Variants in SPNS3 observed in about 807,000 individuals in gnomAD.
SPNS3 encodes the protein SPNS lysolipid transporter 3, sphingosine-1-phosphate (putative).
SPNS3 carries 51 observed loss-of-function variants against 54.4 expected under a neutral mutation model. The ratio of observed to expected loss-of-function variants is 0.94; its 90% CI spans 0.75 to 1.18. The LOEUF is 1.18. Ranked by LOEUF, SPNS3 falls within the 50% of genes most tolerant of loss-of-function variation. The pLI, the probability that SPNS3 is intolerant of heterozygous loss-of-function variation, is 0.00. For missense variants in SPNS3, 669 were observed against 677.4 expected (o/e 0.99, Z 0.14); for synonymous variants, 309 against 294.7 (o/e 1.05, Z -0.50).
At chr17:4,434,254 A>ACCCATCTTTCTGCTCCTGGGC (rs1970658773) in intron 1 of SPNS3, 88 bp downstream of exon 1, 16 of 1,317,098 alleles carry the variant, frequency 1.2e-5, no homozygotes, top group Non-Finnish European at 1.7e-5. Context: ...TCCAGCCATC[A>ACCCATCTTTCTGCTCCTGGGC]CCCATCTTTC....
At chr17:4,468,556 C>G (rs1971747209) in intron 8 of SPNS3, among the ~76,000 whole-genome samples, 1 of 149,914 alleles carries the variant, frequency 6.7e-6, no homozygotes, top group South Asian at 2.1e-4. Context: ...GGAGTTGCCA[C>G]TTACTGTGGG....
Position 4,446,909 on chromosome 17 carries a change from G to T in SPNS3, c.568G>T (p.Val190Leu). ...FIPVGSGLGY[V>L]LGSAVTMLTG... is the part of the protein sequence containing the mutation. ...CCTTTGTTGCAGTGGTCTGGGCTAC[G>T]TGCTGGGGTCGGCTGTGACGATGCT... The change falls in exon 5 of 12, where the codon GTG becomes TTG. Residue 190 changes from valine to leucine, a missense_variant. Coordinates refer to ENST00000355530, the MANE Select transcript of SPNS3 (RefSeq NM_182538.5). 2 of 1,614,112 alleles carry T rather than the reference G, an allele frequency of 1.2e-6. No individual in the cohort carries two copies. The highest frequency in any genetic ancestry group is 1.7e-6 in the Non-Finnish European group (2 of 1,180,022).
intron 7 of SPNS3, among the ~76,000 whole-genome samples, chr17:4,449,618 A>AC (rs918608844): frequency 2.0e-5 from 3 of 148,628 alleles, no homozygotes; most frequent in African/African-American, 7.3e-5. Flanking sequence ...TCTGGGCTGA[A>AC]TTCCCCATAT....
Position 4,454,419 on chromosome 17 carries a change from A to C in SPNS3, c.1113+1214A>C, listed in dbSNP as rs549013941. ...GCTGCAGACACAGATGCGCTTGCACATGTTAACCAGGTTTACTGAGCAGAC... is the reference window on the plus strand; with the variant it reads ...GCTGCAGACACAGATGCGCTTGCACCTGTTAACCAGGTTTACTGAGCAGAC... On this transcript the variant is annotated intron_variant, in intron 8 of 11. Coordinates refer to ENST00000355530, the MANE Select transcript of SPNS3 (RefSeq NM_182538.5). Among the ~76,000 whole-genome samples, 211 of 152,368 alleles carry C rather than the reference A, an allele frequency of 1.4e-3. 2 individuals carry two copies. Among genetic ancestry groups the C allele is most frequent in the African/African-American group, 4.9e-3 (205 of 41,588 alleles).
At chr17:4,459,033 C>T (rs1158517907) in intron 8 of SPNS3, among the ~76,000 whole-genome samples, 1 of 152,156 alleles carries the variant, frequency 6.6e-6, no homozygotes, top group Admixed American at 6.6e-5. Flanking sequence ...CCCTCTCTTT[C>T]CCCATCCTCA....
At chr17:4,437,465 G>A (rs1158822412) in intron 1 of SPNS3, among the ~76,000 whole-genome samples, 11 of 152,026 alleles carry the variant, frequency 7.2e-5, no homozygotes, top group Admixed American at 6.6e-4. Flanking sequence ...TCAGGAGTTC[G>A]AGACCAGACT....
intron 2 of SPNS3, among the ~76,000 whole-genome samples, chr17:4,444,469 C>T (rs1461566450): frequency 2.6e-5 from 4 of 151,872 alleles, no homozygotes; most frequent in East Asian, 1.9e-4. Flanking sequence ...GCAATCTGCC[C>T]GCCTCAGCCT....
chr17:4,486,700 T>C lies in SPNS3; in HGVS notation c.1450+117T>C, dbSNP rs1972328121. The C allele has an allele frequency of 9.1e-7, 1 of 1,099,844 alleles. No individual in the cohort carries two copies. The highest frequency in any genetic ancestry group is 1.3e-6 in the Non-Finnish European group (1 of 785,086). The allele number at this position is 1,099,844 out of a possible 1,614,324, so 68.1% of individuals were successfully genotyped here. On this transcript the variant is annotated intron_variant, in intron 11 of 11. Transcript: ENST00000355530. The surrounding 1 kb of genome is among the most constrained non-coding windows in gnomAD (Gnocchi z 5.5). Reference sequence around the variant, plus strand: ...TGTTCATTCATCCAGAAATGCTTAGTACACCCCTGCTATGTACCAGGGAAG... The same window carrying C: ...TGTTCATTCATCCAGAAATGCTTAGCACACCCCTGCTATGTACCAGGGAAG...
rs1459645756 is a variant in SPNS3, at chr17:4,453,052, C to G, written c.960C>G (p.Val320=). The G allele has an allele frequency of 4.3e-6, 7 of 1,613,894 alleles. No individual in the cohort carries two copies. In the Admixed American group the frequency reaches 1.2e-4, roughly 27 times the overall value. ...IFGALTIMTG[V]IGVILGAEAA... is the part of the protein sequence containing the mutation. ...GGGCACTGACCATCATGACCGGCGTCATTGGGGTCATCTTGGGGGCAGAAG... is the reference window on the plus strand; with the variant it reads ...GGGCACTGACCATCATGACCGGCGTGATTGGGGTCATCTTGGGGGCAGAAG... Residue 320 remains valine (V), a synonymous_variant, in exon 8 of 12, where the codon GTC becomes GTG. Transcript: ENST00000355530.
intron 8 of SPNS3, among the ~76,000 whole-genome samples, chr17:4,478,340 C>T (rs1038630046): frequency 7.2e-5 from 11 of 152,088 alleles, no homozygotes; most frequent in Non-Finnish European, 1.3e-4. Context: ...TGGGCCCCAG[C>T]GAGGGACTCC....
chr17:4,486,594 C>T lies in SPNS3; in HGVS notation c.1450+11C>T. On this transcript the variant is annotated intron_variant, in intron 11 of 11. Coordinates refer to ENST00000355530, the MANE Select transcript of SPNS3 (RefSeq NM_182538.5). The surrounding 1 kb of genome is among the most constrained non-coding windows in gnomAD (Gnocchi z 5.5). ...GGCAGCCTGTCACAGGTACCCTACC[C>T]ATTGCACCAGGCCCGGCTCAGGGCC... is the stretch of plus-strand genomic sequence containing the variant. 6.2e-7 allele frequency: 1 copy of T among 1,604,080 alleles called. No homozygotes were observed. The highest frequency in any genetic ancestry group is 8.5e-7 in the Non-Finnish European group (1 of 1,174,066).
chr17:4,438,208 G>A (rs1780617143), intron 1 of SPNS3, among the ~76,000 whole-genome samples: 1 of 152,158 alleles, frequency 6.6e-6, no homozygotes, highest in Non-Finnish European at 1.5e-5. Context: ...ACCCACTTGG[G>A]GGCTTCTGCT....
intron 8 of SPNS3, among the ~76,000 whole-genome samples, chr17:4,472,774 C>CTTTTTTTTT (rs375118697): frequency 1.2e-4 from 6 of 50,970 alleles, no homozygotes; most frequent in African/African-American, 3.6e-4. Context: ...GCTTGGCAGC[C>CTTTTTTTTT]TTTTTTTTTT....
intron 2 of SPNS3, among the ~76,000 whole-genome samples, chr17:4,443,509 C>A (rs528580531): frequency 6.6e-6 from 1 of 152,314 alleles, no homozygotes; most frequent in South Asian, 2.1e-4. Context: ...ATTATGCAAT[C>A]AGTAATAATA....
At chr17:4,469,161 C>T (rs967143448) in intron 8 of SPNS3, among the ~76,000 whole-genome samples, 1 of 151,850 alleles carries the variant, frequency 6.6e-6, no homozygotes, top group Non-Finnish European at 1.5e-5. Flanking sequence ...CTCAGCTCAC[C>T]GCATCCTGGA....
chr17:4,436,211 C>G (rs1286515940), intron 1 of SPNS3, among the ~76,000 whole-genome samples: 1 of 152,168 alleles, frequency 6.6e-6, no homozygotes, highest in Non-Finnish European at 1.5e-5. Flanking sequence ...AGGAGGGTGC[C>G]TGCAGCTGCC....
intron 8 of SPNS3, among the ~76,000 whole-genome samples, chr17:4,471,017 C>T (rs1482554674): frequency 1.3e-5 from 2 of 152,146 alleles, no homozygotes; most frequent in South Asian, 2.1e-4. Context: ...CTCTGCCTCC[C>T]GGGTTCAAAC....
At chr17:4,450,689 C>G (rs1216933552) in intron 7 of SPNS3, among the ~76,000 whole-genome samples, 1 of 151,852 alleles carries the variant, frequency 6.6e-6, no homozygotes, top group African/African-American at 2.4e-5. Context: ...TTCCACCTCC[C>G]AGGTTCAAGT....
rs548371591 is a variant in SPNS3, at chr17:4,467,962, C to T, written c.1114-10610C>T. Among the ~76,000 whole-genome samples the T allele has an allele frequency of 3.9e-5, 6 of 152,282 alleles. No individual in the cohort carries two copies. In the South Asian group the frequency reaches 1.2e-3, roughly 32 times the overall value. ...CTGGGATTACAGGCATGGGCGACGG[C>T]GCCTGGCTACTTCCACCTGATTTTA... On this transcript the variant is annotated intron_variant, in intron 8 of 11. Coordinates refer to ENST00000355530, the MANE Select transcript of SPNS3 (RefSeq NM_182538.5).
Sources: allele counts gnomAD v4.1 joint callset (sites outside exome capture counted in the v4.1 genomes callset), GRCh38; gene constraint gnomAD v4.1.1; non-coding constraint Gnocchi (gnomAD v3.1); transcripts MANE v1.5; gene names NCBI Gene and HGNC (gene_info 2026-07-23, HGNC 2026-07-21).